Variants in GRXCR1 observed in about 807,000 individuals in gnomAD.
GRXCR1 encodes glutaredoxin domain-containing cysteine-rich protein 1.
Under a neutral mutation model 27.3 loss-of-function variants are expected in GRXCR1, and 27 were observed. The observed-to-expected ratio is 0.99, with a 90% CI of 0.73 to 1.37. GRXCR1 has a LOEUF of 1.37. Among genes scored for constraint, GRXCR1 ranks in the 40% most tolerant of loss-of-function variants. GRXCR1 has a pLI of 0.00. For synonymous variants in GRXCR1, 122 were observed against 131.1 expected (o/e 0.93, Z 0.47); for missense variants, 379 against 354.4 (o/e 1.07, Z -0.56).
intron 2 of GRXCR1, among the ~76,000 whole-genome samples, chr4:42,995,624 G>C (rs1003883956): frequency 5.3e-5 from 8 of 152,144 alleles, no homozygotes; most frequent in African/African-American, 1.9e-4. Context: ...GCCACACGTG[G>C]TGCAAATCTT....
chr4:43,007,977 T>C (rs965376195), intron 2 of GRXCR1, among the ~76,000 whole-genome samples: 1 of 152,200 alleles, frequency 6.6e-6, no homozygotes, highest in African/African-American at 2.4e-5. Context: ...TCTTAACTTT[T>C]AAGTTTTCTG....
At chr4:42,900,869 G>A (rs935311647) in intron 1 of GRXCR1, among the ~76,000 whole-genome samples, 6 of 152,150 alleles carry the variant, frequency 3.9e-5, no homozygotes, top group Non-Finnish European at 5.9e-5. Context: ...CTCTGCTCAT[G>A]AGGGTCCCAG....
intron 1 of GRXCR1, among the ~76,000 whole-genome samples, chr4:42,921,078 C>G (rs1452574503): frequency 2.0e-5 from 3 of 152,048 alleles, no homozygotes; most frequent in Non-Finnish European, 4.4e-5. Context: ...ATCCTAACCT[C>G]CAAGATGATG....
chr4:42,927,317 G>A (rs1423782371), intron 1 of GRXCR1, among the ~76,000 whole-genome samples: 1 of 151,932 alleles, frequency 6.6e-6, no homozygotes, highest in Non-Finnish European at 1.5e-5. Flanking sequence ...GACAAATGCT[G>A]GAGATGATGC....
At chr4:42,997,326 A>G (rs1263432448) in intron 2 of GRXCR1, among the ~76,000 whole-genome samples, 1 of 152,206 alleles carries the variant, frequency 6.6e-6, no homozygotes, top group Non-Finnish European at 1.5e-5. Context: ...TGTGATTTTA[A>G]TGAGCAGAAA....
At chr4:43,013,175 T>C (rs896476119) in intron 2 of GRXCR1, among the ~76,000 whole-genome samples, 3 of 152,048 alleles carry the variant, frequency 2.0e-5, no homozygotes, top group Non-Finnish European at 4.4e-5. Context: ...TGTAGCAAAA[T>C]AAAAACAAAT....
intron 3 of GRXCR1, among the ~76,000 whole-genome samples, chr4:43,025,237 T>A (rs899666160): frequency 5.3e-5 from 8 of 152,192 alleles, no homozygotes; most frequent in Non-Finnish European, 8.8e-5. Flanking sequence ...ATACATTTCG[T>A]GTGCTTTAGT....
chr4:42,932,949 G>A (rs1747364356), intron 1 of GRXCR1, among the ~76,000 whole-genome samples: 2 of 151,666 alleles, frequency 1.3e-5, no homozygotes, highest in African/African-American at 4.8e-5. Context: ...CTAAGGAAAG[G>A]AGGTCAGTGC....
chr4:42,953,833 G>A (rs1256099459), intron 1 of GRXCR1, among the ~76,000 whole-genome samples: 1 of 151,938 alleles, frequency 6.6e-6, no homozygotes, highest in African/African-American at 2.4e-5. Context: ...ATCATTTACT[G>A]AGAGTTCATG....
rs1028799960 is a variant in GRXCR1, at chr4:42,897,429, G to A, written c.384+3779G>A. 2.0e-5 allele frequency among the ~76,000 whole-genome samples: 3 copies of A among 151,958 alleles called. No homozygotes were observed. In the East Asian group the frequency reaches 5.8e-4, roughly 29 times the overall value. ...ATTACTGTATTAGAGATAAATAGGT[G>A]CAAAGAAGGAAAATAATTACAACAC... is the stretch of plus-strand genomic sequence containing the variant. On this transcript the variant is annotated intron_variant, in intron 1 of 3. Transcript: ENST00000399770.
intron 2 of GRXCR1, among the ~76,000 whole-genome samples, chr4:43,001,260 G>T (rs1712347782): frequency 6.6e-6 from 1 of 151,866 alleles, no homozygotes; most frequent in African/African-American, 2.4e-5. Context: ...TCTCTACTTT[G>T]CTCTTTTGCT....
rs371324046 is a variant in GRXCR1 at position 43,021,804 on chromosome 4, A to G, written c.693+1385A>G. 2.9e-3 allele frequency among the ~76,000 whole-genome samples: 446 copies of G among 152,336 alleles called. 3 individuals are homozygous for G. Among genetic ancestry groups the G allele is most frequent in the Non-Finnish European group, 4.8e-3 (329 of 68,014 alleles). The stretch of plus-strand genomic sequence containing the variant: ...AATTCAAAAGCCATGCGATACATAC[A>G]GAGAGTAAATTTGTTTTTGTAAAAT... On this transcript the variant is annotated intron_variant, in intron 3 of 3. Transcript: ENST00000399770.
At chr4:42,911,129 C>T (rs768784163) in intron 1 of GRXCR1, among the ~76,000 whole-genome samples, 4 of 152,104 alleles carry the variant, frequency 2.6e-5, no homozygotes, top group Non-Finnish European at 5.9e-5. Flanking sequence ...TAGTACTTGG[C>T]TACATCATAA....
intron 1 of GRXCR1, among the ~76,000 whole-genome samples, chr4:42,947,807 T>C (rs1388605752): frequency 6.6e-6 from 1 of 152,204 alleles, no homozygotes; most frequent in African/African-American, 2.4e-5. Flanking sequence ...ATTTTTAGTT[T>C]GAATATACAA....
chr4:43,011,176 A>G (rs779882314), intron 2 of GRXCR1, among the ~76,000 whole-genome samples: 14 of 152,212 alleles, frequency 9.2e-5, no homozygotes, highest in Non-Finnish European at 1.9e-4. Context: ...CGACCACAAA[A>G]GAGTGAAATC....
intron 2 of GRXCR1, among the ~76,000 whole-genome samples, chr4:42,987,798 A>T (rs1711828721): frequency 6.6e-6 from 1 of 152,188 alleles, no homozygotes; most frequent in Non-Finnish European, 1.5e-5. Flanking sequence ...TTTCTAAAGG[A>T]ATTCCAGATC....
At chr4:42,954,838 GGAT>G (rs1156383951) in intron 1 of GRXCR1, among the ~76,000 whole-genome samples, 1 of 152,024 alleles carries the variant, frequency 6.6e-6, no homozygotes, top group Non-Finnish European at 1.5e-5. Context: ...AGCCTGATGT[GGAT>G]AAAGCTTGCT....
chr4:42,903,520 G>GC (rs1216727550), intron 1 of GRXCR1, among the ~76,000 whole-genome samples: 1 of 146,820 alleles, frequency 6.8e-6, no homozygotes, highest in Non-Finnish European at 1.5e-5. Flanking sequence ...AACCATGTTA[G>GC]CCAGGATGGT....
intron 2 of GRXCR1, among the ~76,000 whole-genome samples, chr4:42,973,550 T>G (rs1748436106): frequency 6.6e-6 from 1 of 152,108 alleles, no homozygotes; most frequent in East Asian, 1.9e-4. Context: ...ACTCTGCTTT[T>G]GATTAATGGC....
Sources: allele counts gnomAD v4.1 joint callset (sites outside exome capture counted in the v4.1 genomes callset), GRCh38; gene constraint gnomAD v4.1.1; transcripts MANE v1.5; gene names NCBI Gene and HGNC (gene_info 2026-07-23, HGNC 2026-07-21).